Variants in PCBP3 observed in about 807,000 individuals in gnomAD.
PCBP3 encodes poly(rC)-binding protein 3.
In PCBP3, 25 loss-of-function variants were observed where a neutral mutation model predicts 52.7. The observed-to-expected ratio is 0.47, with a 90% CI of 0.35 to 0.66. The LOEUF (loss-of-function observed/expected upper bound fraction) is 0.66. Among genes scored for constraint, PCBP3 ranks in the 30% least tolerant of loss-of-function variants. The probability of loss-of-function intolerance (pLI) is 0.01; values close to 1 mark genes in which losing one functional copy is unlikely to be tolerated. For synonymous variants in PCBP3, 162 were observed against 183.0 expected (o/e 0.89, Z 0.93); for missense variants, 391 against 490.3 (o/e 0.80, Z 1.91).
chr21:45,782,869 C>T (rs1006473499), intron 4 of PCBP3, among the ~76,000 whole-genome samples: 1 of 152,258 alleles, frequency 6.6e-6, no homozygotes, highest in African/African-American at 2.4e-5. Flanking sequence ...GTGGTGGGCA[C>T]AGCATACACT....
intron 4 of PCBP3, among the ~76,000 whole-genome samples, chr21:45,786,114 C>T (rs1367286101): frequency 7.0e-6 from 1 of 142,510 alleles, no homozygotes; most frequent in Non-Finnish European, 1.5e-5. Context: ...GCGAGAAACA[C>T]CCAAGAATGA....
At chr21:45,659,535 G>A (rs1460059565) in intron 1 of PCBP3, among the ~76,000 whole-genome samples, 2 of 151,676 alleles carry the variant, frequency 1.3e-5, no homozygotes, top group East Asian at 3.9e-4. Flanking sequence ...TTTTTTGTGA[G>A]ACACAGTGTC....
At chr21:45,847,709 C>T (rs987069787) in intron 4 of PCBP3, among the ~76,000 whole-genome samples, 6 of 152,242 alleles carry the variant, frequency 3.9e-5, no homozygotes, top group Middle Eastern at 3.4e-3. Flanking sequence ...GATTTTCTTC[C>T]CTTTGTGAAT....
chr21:45,864,334 A>G (rs1326267269), intron 5 of PCBP3, among the ~76,000 whole-genome samples: 1 of 152,220 alleles, frequency 6.6e-6, no homozygotes, highest in Non-Finnish European at 1.5e-5. Flanking sequence ...GAGAGCATGC[A>G]CTTTTGCAGC....
chr21:45,683,950 G>A (rs1026599316), intron 2 of PCBP3, among the ~76,000 whole-genome samples: 1 of 150,636 alleles, frequency 6.6e-6, no homozygotes, highest in Admixed American at 6.6e-5. Context: ...TAAAAAATAA[G>A]GTGTTGCTGG....
At chr21:45,750,494 TCTC>T (rs1337882267) in intron 3 of PCBP3, 1 of 150,168 alleles carries the variant, frequency 6.7e-6, no homozygotes, top group Non-Finnish European at 1.5e-5. Flanking sequence ...GTGCTCAAAT[TCTC>T]CTAGATTTGA....
chr21:45,904,153 T>C lies in PCBP3; in HGVS notation c.339+3040T>C, dbSNP rs769176348. Among the ~76,000 whole-genome samples the C allele has an allele frequency of 1.1e-4, 17 of 152,222 alleles. No individual in the cohort carries two copies. Among genetic ancestry groups the C allele is most frequent in the Admixed American group, 3.3e-4 (5 of 15,280 alleles). ...TTACGTAGGTTATGTAGGGCTGTGC[T>C]GAGTCCTCTACAGTCATTTGTCATC... On this transcript the variant is annotated intron_variant, in intron 9 of 17. Coordinates refer to ENST00000681687, the MANE Select transcript of PCBP3 (RefSeq NM_001384156.1). This position sits in a 1 kb window ranked among gnomAD's most constrained non-coding sequence, Gnocchi z 4.8.
In PCBP3 at chr21:45,791,535, C is replaced by T. The variant is rs2091568243; in HGVS notation, c.-126+36083C>T. Among the ~76,000 whole-genome samples, 3 of 152,116 alleles carry T rather than the reference C, an allele frequency of 2.0e-5. No individual in the cohort carries two copies. Among genetic ancestry groups the T allele is most frequent in the South Asian group, 4.1e-4 (2 of 4,820 alleles). Reference sequence around the variant, plus strand: ...AGGCAGAGAGGAGACGATGGTCTCGCGGCGTGATCTGGGCTAGGGAAGGAG... The same window carrying T: ...AGGCAGAGAGGAGACGATGGTCTCGTGGCGTGATCTGGGCTAGGGAAGGAG... On this transcript the variant is annotated intron_variant, in intron 4 of 17. Transcript: ENST00000681687. This position sits in a 1 kb window ranked among gnomAD's most constrained non-coding sequence, Gnocchi z 4.2.
rs1241927954 is a variant in PCBP3 at position 45,817,207 on chromosome 21, C to T, written c.-125-32754C>T. ...CGAACTTTGTCAAGGAAAGTCTTCACTATCCCTTCCTCTAGAACTTAACGT... is the reference window on the plus strand; with the variant it reads ...CGAACTTTGTCAAGGAAAGTCTTCATTATCCCTTCCTCTAGAACTTAACGT... On this transcript the variant is annotated intron_variant, in intron 4 of 17. Coordinates refer to ENST00000681687, the MANE Select transcript of PCBP3 (RefSeq NM_001384156.1). The surrounding 1 kb of genome is among the most constrained non-coding windows in gnomAD (Gnocchi z 4.3). 6.6e-6 allele frequency among the ~76,000 whole-genome samples: 1 copy of T among 152,200 alleles called. No homozygotes were observed. Among genetic ancestry groups the T allele is most frequent in the African/African-American group, 2.4e-5 (1 of 41,424 alleles).
intron 2 of PCBP3, among the ~76,000 whole-genome samples, chr21:45,727,193 C>T (rs2085110829): frequency 6.6e-6 from 1 of 152,090 alleles, no homozygotes; most frequent in Admixed American, 6.6e-5. Flanking sequence ...TGAATTAACT[C>T]TATATTGGAT....
chr21:45,665,483 T>C (rs1372955988), intron 1 of PCBP3, among the ~76,000 whole-genome samples: 4 of 152,140 alleles, frequency 2.6e-5, no homozygotes, highest in Admixed American at 2.6e-4. Flanking sequence ...ATTTATCAAA[T>C]CCAGGAATCA....
At chr21:45,731,972 G>GT in intron 2 of PCBP3, among the ~76,000 whole-genome samples, 1 of 151,626 alleles carries the variant, frequency 6.6e-6, no homozygotes. Flanking sequence ...TGTTTCAATG[G>GT]TTTTCACTTC....
intron 5 of PCBP3, among the ~76,000 whole-genome samples, chr21:45,861,719 T>C (rs1054159254): frequency 1.3e-5 from 2 of 152,222 alleles, no homozygotes; most frequent in South Asian, 4.1e-4. Context: ...TGGCGCCAGC[T>C]GGGCCTGCTT....
intron 4 of PCBP3, among the ~76,000 whole-genome samples, chr21:45,789,799 C>G (rs1282649700): frequency 1.3e-5 from 2 of 152,116 alleles, no homozygotes; most frequent in Non-Finnish European, 2.9e-5. Context: ...GGGGAGGGAC[C>G]TGGGCCGAGT....
At chr21:45,728,758 T>C (rs975109013) in intron 2 of PCBP3, 8 of 152,304 alleles carry the variant, frequency 5.3e-5, no homozygotes, top group African/African-American at 1.9e-4. Context: ...GGTATGTATA[T>C]AGGATTATTT....
intron 2 of PCBP3, among the ~76,000 whole-genome samples, chr21:45,722,060 C>T (rs2084684897): frequency 6.6e-6 from 1 of 152,126 alleles, no homozygotes; most frequent in Admixed American, 6.5e-5. Flanking sequence ...AGAGTATGTT[C>T]ACTACAGCAG....
At chr21:45,746,769 T>G (rs111656693) in intron 3 of PCBP3, among the ~76,000 whole-genome samples, 5 of 2,078 alleles carry the variant, frequency 2.4e-3, no homozygotes, top group African/African-American at 6.5e-3. Context: ...CACACGGTGT[T>G]GTGTCAGCAT....
chr21:45,903,481 G>T (rs2096120144), intron 9 of PCBP3, among the ~76,000 whole-genome samples: 1 of 152,068 alleles, frequency 6.6e-6, no homozygotes, highest in Non-Finnish European at 1.5e-5. Flanking sequence ...TGATGAGACT[G>T]GCATGTCTAG....
intron 4 of PCBP3, among the ~76,000 whole-genome samples, chr21:45,820,145 C>T (rs1450594008): frequency 6.6e-6 from 1 of 152,210 alleles, no homozygotes; most frequent in East Asian, 1.9e-4. Flanking sequence ...GTGGCGCTGG[C>T]CTTTTCCTGG....
Sources: allele counts gnomAD v4.1 joint callset (sites outside exome capture counted in the v4.1 genomes callset), GRCh38; gene constraint gnomAD v4.1.1; non-coding constraint Gnocchi (gnomAD v3.1); transcripts MANE v1.5; gene names NCBI Gene and HGNC (gene_info 2026-07-23, HGNC 2026-07-21).